The following NUP133 variants were observed in gnomAD, a reference collection of about 807,000 sequenced individuals.
NUP133 encodes the protein nucleoporin 133.
In NUP133, 66 loss-of-function variants were observed where a neutral mutation model predicts 146.2. The observed-to-expected ratio is 0.45, with a 90% CI of 0.37 to 0.55. The LOEUF is 0.55. Among genes scored for constraint, NUP133 ranks in the 20% least tolerant of loss-of-function variants. NUP133 has a pLI of 0.00. For synonymous variants in NUP133, 521 were observed against 498.8 expected (o/e 1.04, Z -0.59); for missense variants, 1,277 against 1,374.8 (o/e 0.93, Z 1.12).
At chr1:229,452,989 A>G (rs892642489) in intron 21 of NUP133, among the ~76,000 whole-genome samples, 3 of 151,154 alleles carry the variant, frequency 2.0e-5, no homozygotes, top group African/African-American at 7.3e-5. Flanking sequence ...TCTCTCCATC[A>G]TATTTTATAA....
chr1:229,486,658 C>G (rs1182335445), intron 10 of NUP133, 130 bp from the exon 11 acceptor site: 1 of 799,924 alleles, frequency 1.3e-6, no homozygotes, highest in Non-Finnish European at 1.9e-6. Context: ...CAACATTAGT[C>G]CTACTTCGAA....
intron 2 of NUP133, among the ~76,000 whole-genome samples, chr1:229,505,208 G>C (rs192135412): frequency 6.6e-6 from 1 of 152,090 alleles, no homozygotes; most frequent in Non-Finnish European, 1.5e-5. Context: ...ATGAACTGTC[G>C]CAGTAATGCA....
At chr1:229,454,786 G>C (rs1660524958) in intron 21 of NUP133, among the ~76,000 whole-genome samples, 1 of 152,154 alleles carries the variant, frequency 6.6e-6, no homozygotes, top group Non-Finnish European at 1.5e-5. Context: ...CTAAAATATG[G>C]CTTCCCCTCT....
At chr1:229,462,130 C>T (rs1360380517) in intron 19 of NUP133, among the ~76,000 whole-genome samples, 10 of 152,182 alleles carry the variant, frequency 6.6e-5, no homozygotes, top group Non-Finnish European at 1.3e-4. Flanking sequence ...GTGATCTGCC[C>T]ACCTCGGCCT....
intron 20 of NUP133, 88 bp downstream of exon 20, chr1:229,460,523 A>T: frequency 7.6e-7 from 1 of 1,320,056 alleles, no homozygotes. Context: ...ATATGACAGT[A>T]AACAGTATTT....
intron 19 of NUP133, among the ~76,000 whole-genome samples, chr1:229,463,277 T>A (rs933591833): frequency 6.6e-6 from 1 of 152,004 alleles, no homozygotes; most frequent in Admixed American, 6.6e-5. Flanking sequence ...TGTGGTCCCA[T>A]CTACTGGAAA....
intron 22 of NUP133, among the ~76,000 whole-genome samples, chr1:229,451,368 C>T (rs766299811): frequency 6.6e-6 from 1 of 151,866 alleles, no homozygotes; most frequent in Non-Finnish European, 1.5e-5. Context: ...CACTGCACTC[C>T]AGCCTGACAG....
chr1:229,458,325 G>T, intron 20 of NUP133, 29 bp from the exon 21 acceptor site: 1 of 1,601,668 alleles, frequency 6.2e-7, no homozygotes. Flanking sequence ...ACCATCGTAA[G>T]ATACTGAGTA....
In NUP133 at chr1:229,508,112, TG is replaced by T; in HGVS notation, c.137del (p.Pro46GlnfsTer13). 1 of 1,563,998 alleles carries T rather than the reference TG, an allele frequency of 6.4e-7. No individual in the cohort carries two copies. Among genetic ancestry groups the T allele is most frequent in the Admixed American group, 1.9e-5 (1 of 52,904 alleles). On this transcript the variant is annotated frameshift_variant, in exon 1 of 26. Transcript: ENST00000261396. LOFTEE classifies it high-confidence loss of function. ...GCCGGCCGACCGGCGAGAAGAGCACTGGGGAGCTGACTGCAGACCCCAGGGG... is the reference window on the plus strand; with the variant it reads ...GCCGGCCGACCGGCGAGAAGAGCACTGGGAGCTGACTGCAGACCCCAGGGG... ...GLPLGSAVSS[P>X]VLFSPVGRRS... is the part of the protein sequence containing the mutation.
At chr1:229,443,292 G>A (rs1377561067) in intron 25 of NUP133, among the ~76,000 whole-genome samples, 9 of 150,984 alleles carry the variant, frequency 6.0e-5, no homozygotes, top group Non-Finnish European at 5.9e-5. Context: ...CTCCTGCCTC[G>A]GCCTCCCAAA....
chr1:229,454,663 G>A (rs976169890), intron 21 of NUP133, among the ~76,000 whole-genome samples: 7 of 152,136 alleles, frequency 4.6e-5, no homozygotes, highest in Non-Finnish European at 7.3e-5. Context: ...TGTTCCCATC[G>A]CGTTAAGAAA....
rs1199649566 is a variant in NUP133, at chr1:229,496,042, T to C, written c.825A>G (p.Ser275=). ...ATCTCTCTCTATCCCAGAGAACACT[T>C]GAAAGCTATTCAGAAAAGAAAAGGA... The part of the protein sequence containing the change: ...ILSPSSDLTL[S]SVLWDRERSS... Residue 275 remains serine, a synonymous_variant, in exon 7 of 26, where the codon TCA becomes TCG. Coordinates refer to ENST00000261396, the MANE Select transcript of NUP133 (RefSeq NM_018230.3). The C allele has an allele frequency of 6.4e-7, 1 of 1,568,686 alleles. No homozygotes were observed. The highest frequency in any genetic ancestry group is 8.6e-7 in the Non-Finnish European group (1 of 1,163,736).
chr1:229,488,214 C>T (rs926924670), intron 9 of NUP133, among the ~76,000 whole-genome samples: 1 of 151,986 alleles, frequency 6.6e-6, no homozygotes, highest in Non-Finnish European at 1.5e-5. Context: ...AACTAGAAGC[C>T]TATGATAAAT....
chr1:229,449,091 A>C, intron 24 of NUP133, 35 bp downstream of exon 24: 1 of 1,529,802 alleles, frequency 6.5e-7, no homozygotes, highest in Non-Finnish European at 9.1e-7. Context: ...AGCAGTTTCT[A>C]TACTTTCCAA....
At chr1:229,469,921 G>T (rs1350807165) in intron 15 of NUP133, among the ~76,000 whole-genome samples, 1 of 152,214 alleles carries the variant, frequency 6.6e-6, no homozygotes, top group Non-Finnish European at 1.5e-5. Context: ...AGCTACTTGG[G>T]AGGCTGAGGC....
intron 24 of NUP133, among the ~76,000 whole-genome samples, chr1:229,448,461 G>A (rs1443028570): frequency 1.3e-5 from 2 of 151,798 alleles, no homozygotes; most frequent in Non-Finnish European, 2.9e-5. Context: ...AAAATAAAAA[G>A]GGGAGGAACC....
At chr1:229,475,782 A>G in intron 13 of NUP133, 50 bp from the exon 14 acceptor site, 2 of 1,407,444 alleles carry the variant, frequency 1.4e-6, no homozygotes, top group South Asian at 1.2e-5. Context: ...TTACAACTAT[A>G]CTATTTTAAT....
chr1:229,498,205 G>T lies in NUP133; in HGVS notation c.750C>A (p.Gly250=), dbSNP rs1326109785. 6.2e-7 allele frequency: 1 copy of T among 1,613,338 alleles called. No individual in the cohort carries two copies. Among genetic ancestry groups the T allele is most frequent in the Admixed American group, 1.7e-5 (1 of 59,834 alleles). Residue 250 remains glycine, a synonymous_variant, in exon 6 of 26, where the codon GGC becomes GGA. Transcript: ENST00000261396. Reference sequence around the variant, plus strand: ...CTTTTCGACCAATTCCTGAAAGCATGCCTTGCCCCTGAGGCAGGATATGCT... The same window carrying T: ...CTTTTCGACCAATTCCTGAAAGCATTCCTTGCCCCTGAGGCAGGATATGCT... The part of the protein sequence containing the change: ...IHQHILPQGQ[G]MLSGIGRKVS...
intron 21 of NUP133, among the ~76,000 whole-genome samples, chr1:229,455,898 T>G (rs1023496441): frequency 2.0e-5 from 3 of 152,224 alleles, no homozygotes; most frequent in Non-Finnish European, 4.4e-5. Context: ...TTCCAAAACA[T>G]TCACCATAAC....
Sources: allele counts gnomAD v4.1 joint callset (sites outside exome capture counted in the v4.1 genomes callset), GRCh38; gene constraint gnomAD v4.1.1; transcripts MANE v1.5; gene names NCBI Gene and HGNC (gene_info 2026-07-23, HGNC 2026-07-21).